CCDC178: variants seen among roughly 807,000 people sequenced by gnomAD.
The protein encoded by CCDC178 is coiled-coil domain-containing protein 178.
CCDC178 carries 126 observed loss-of-function variants against 117.4 expected under a neutral mutation model. That is an observed-to-expected ratio of 1.07 (90% CI 0.93 to 1.24). The LOEUF is 1.24. Among genes scored for constraint, CCDC178 ranks in the 50% most tolerant of loss-of-function variants. The pLI is 0.00. For missense variants in CCDC178, 1,030 were observed against 986.9 expected, an observed-to-expected ratio of 1.04 and a Z score of -0.59; for synonymous variants, 283 against 313.4, an observed-to-expected ratio of 0.90 and a Z score of 1.02.
intron 10 of CCDC178, among the ~76,000 whole-genome samples, chr18:33,327,939 T>A (rs1346560318): frequency 6.6e-6 from 1 of 152,098 alleles, no homozygotes; most frequent in African/African-American, 2.4e-5. Flanking sequence ...ATGTTTTCTT[T>A]CATTCTATAG....
intron 3 of CCDC178, 31 bp from the exon 4 acceptor site, chr18:33,397,239 TATCTGCTTC>T: frequency 2.1e-6 from 3 of 1,447,670 alleles, no homozygotes; most frequent in Non-Finnish European, 2.9e-6. Flanking sequence ...CAAAATAAAA[TATCTGCTTC>T]CTGAGTCAAA....
chr18:33,055,009 T>A (rs562719537), intron 21 of CCDC178, among the ~76,000 whole-genome samples: 1 of 152,214 alleles, frequency 6.6e-6, no homozygotes, highest in Non-Finnish European at 1.5e-5. Context: ...TGGTTTGAAT[T>A]TGCATTTCTC....
intron 21 of CCDC178, among the ~76,000 whole-genome samples, chr18:32,998,567 G>T (rs537360268): frequency 1.1e-4 from 17 of 152,260 alleles, no homozygotes; most frequent in South Asian, 1.0e-3. Flanking sequence ...TCCAGGAGAG[G>T]CTCCTTCCAT....
Position 33,323,558 on chromosome 18 carries a change from C to A in CCDC178, c.955G>T (p.Ala319Ser), listed in dbSNP as rs752309545. 16 of 1,575,264 alleles carry A rather than the reference C, an allele frequency of 1.0e-5. No homozygotes were observed. Among genetic ancestry groups the A allele is most frequent in the Admixed American group, 7.2e-5 (4 of 55,840 alleles). Reference protein sequence around the residue: ...LEACENARLKAQQIKEEIDKD... With the variant: ...LEACENARLKSQQIKEEIDKD... ...TCAATCTCTTCTTTAATTTGCTGAG[C>A]CTTCAATCTGGCATTTTCACAGGCT... Residue 319 changes from alanine (A) to serine (S), a missense_variant, in exon 11 of 23, where the codon GCT becomes TCT. Physicochemically the swap from Ala to Ser is moderately conservative, Grantham distance 99. Coordinates refer to ENST00000383096, the MANE Select transcript of CCDC178 (RefSeq NM_001105528.4).
At chr18:33,085,235 T>G (rs959722763) in intron 21 of CCDC178, among the ~76,000 whole-genome samples, 1 of 152,206 alleles carries the variant, frequency 6.6e-6, no homozygotes, top group Non-Finnish European at 1.5e-5. Flanking sequence ...AAAATATAGT[T>G]TGTAAAAAAC....
At position 33,050,444 on chromosome 18, in the gene CCDC178, G is replaced by A. The variant is rs1598828423; in HGVS notation, c.2388+42317C>T. Among the ~76,000 whole-genome samples, 3 of 152,248 alleles carry A rather than the reference G, an allele frequency of 2.0e-5. No homozygotes were observed. The East Asian group carries it at 5.8e-4, about 29-fold the overall frequency. On this transcript the variant is annotated intron_variant, in intron 21 of 22. Transcript: ENST00000383096. Reference sequence around the variant, plus strand: ...ACTGATAGCGAAATTATTAATTTAAGATTCTAAGAAGCAAGTTGAGGCACA... The same window carrying A: ...ACTGATAGCGAAATTATTAATTTAAAATTCTAAGAAGCAAGTTGAGGCACA...
intron 20 of CCDC178, among the ~76,000 whole-genome samples, chr18:33,119,253 C>A (rs555317265): frequency 6.6e-6 from 1 of 152,114 alleles, no homozygotes; most frequent in Non-Finnish European, 1.5e-5. Context: ...GAACAGGCAA[C>A]CCACAGAATG....
chr18:33,438,947 A>G (rs2064334353), intron 2 of CCDC178, among the ~76,000 whole-genome samples: 1 of 152,146 alleles, frequency 6.6e-6, no homozygotes, highest in African/African-American at 2.4e-5. Context: ...TGTCTTTCCT[A>G]GAGGGCTCCT....
intron 12 of CCDC178, among the ~76,000 whole-genome samples, chr18:33,291,756 C>T (rs755679866): frequency 1.3e-5 from 2 of 152,038 alleles, no homozygotes; most frequent in African/African-American, 4.8e-5. Context: ...AGAGAACAAA[C>T]AGCCAGGGAA....
intron 5 of CCDC178, among the ~76,000 whole-genome samples, chr18:33,373,690 TC>T (rs1471776192): frequency 6.6e-6 from 1 of 152,212 alleles, no homozygotes; most frequent in African/African-American, 2.4e-5. Flanking sequence ...ATTTATGTTT[TC>T]CTATCTATCT....
At chr18:33,337,502 C>T (rs2062756942) in intron 9 of CCDC178, among the ~76,000 whole-genome samples, 1 of 152,052 alleles carries the variant, frequency 6.6e-6, no homozygotes. Flanking sequence ...AGGAAGAATG[C>T]TTTCAACTTT....
chr18:33,126,374 T>C (rs888451341), intron 20 of CCDC178, among the ~76,000 whole-genome samples: 1 of 148,932 alleles, frequency 6.7e-6, no homozygotes, highest in Non-Finnish European at 1.5e-5. Context: ...TATGTATGTA[T>C]GTGTTAATGC....
intron 21 of CCDC178, among the ~76,000 whole-genome samples, chr18:32,983,573 TA>T (rs897387896): frequency 1.2e-4 from 18 of 152,076 alleles, no homozygotes; most frequent in African/African-American, 4.3e-4. Flanking sequence ...CAAAATACGA[TA>T]AAGGCCATCT....
chr18:33,382,345 G>C (rs1277400444), intron 5 of CCDC178, among the ~76,000 whole-genome samples: 1 of 152,144 alleles, frequency 6.6e-6, no homozygotes, highest in Non-Finnish European at 1.5e-5. Flanking sequence ...CACTGTACAA[G>C]TCTTTAATTC....
At position 33,295,043 on chromosome 18, in the gene CCDC178, C is replaced by T. The variant is rs116220124; in HGVS notation, c.1023-1731G>A. On this transcript the variant is annotated intron_variant, in intron 11 of 22. Coordinates refer to ENST00000383096, the MANE Select transcript of CCDC178 (RefSeq NM_001105528.4). The stretch of plus-strand genomic sequence containing the variant: ...ATTTAGAAGAATAAAAGGGAAGAAT[C>T]ACTCTACCTGTTGTTAGGAATTACT... Among the ~76,000 whole-genome samples, 1,112 of 152,232 alleles carry T rather than the reference C, an allele frequency of 7.3e-3. 9 individuals carry two copies. The highest frequency in any genetic ancestry group is 0.026 in the African/African-American group (1,062 of 41,546).
intron 5 of CCDC178, among the ~76,000 whole-genome samples, chr18:33,386,158 G>A (rs1263673966): frequency 1.3e-5 from 2 of 152,108 alleles, no homozygotes; most frequent in African/African-American, 4.8e-5. Flanking sequence ...GAACCAGGAA[G>A]AATTTGAATC....
At position 33,344,131 on chromosome 18, in the gene CCDC178, C is replaced by T. The variant is rs543118275; in HGVS notation, c.658+2080G>A. Reference sequence around the variant, plus strand: ...CATCCTGGCTAACAAGGCGAAACCCCGTCTCTACTAAAAATACAAAAAATT... The same window carrying T: ...CATCCTGGCTAACAAGGCGAAACCCTGTCTCTACTAAAAATACAAAAAATT... On this transcript the variant is annotated intron_variant, in intron 9 of 22. Coordinates refer to ENST00000383096, the MANE Select transcript of CCDC178 (RefSeq NM_001105528.4). 2.7e-3 allele frequency among the ~76,000 whole-genome samples: 407 copies of T among 149,568 alleles called. 2 individuals carry two copies. The highest frequency in any genetic ancestry group is 9.4e-3 in the African/African-American group (380 of 40,618).
chr18:33,230,393 G>A (rs1212355541), intron 15 of CCDC178, among the ~76,000 whole-genome samples: 1 of 152,086 alleles, frequency 6.6e-6, no homozygotes, highest in Admixed American at 6.6e-5. Flanking sequence ...ATCAGCACCA[G>A]GACTGCCTGC....
chr18:33,072,909 C>T (rs1157618297), intron 21 of CCDC178, among the ~76,000 whole-genome samples: 1 of 152,042 alleles, frequency 6.6e-6, no homozygotes, highest in Admixed American at 6.6e-5. Context: ...GCCTGGCCAA[C>T]TATACATTTT....
Sources: allele counts gnomAD v4.1 joint callset (sites outside exome capture counted in the v4.1 genomes callset), GRCh38; gene constraint gnomAD v4.1.1; transcripts MANE v1.5; gene names NCBI Gene and HGNC (gene_info 2026-07-23, HGNC 2026-07-21).